Variants in TWSG1 observed in about 807,000 individuals in gnomAD.
TWSG1 encodes twisted gastrulation BMP signaling modulator 1.
A neutral mutation model predicts 23.0 loss-of-function variants in TWSG1; 15 were observed. The ratio of observed to expected loss-of-function variants is 0.65; its 90% CI spans 0.44 to 1.00. The LOEUF (loss-of-function observed/expected upper bound fraction) is 1.00. TWSG1 is among the 50% of genes least tolerant of loss of function. The pLI is 0.00. For synonymous variants in TWSG1, 86 were observed against 92.8 expected (o/e 0.93, Z 0.42); for missense variants, 242 against 278.7 (o/e 0.87, Z 0.94).
chr18:9,352,073 C>T (rs62087468), intron 2 of TWSG1, among the ~76,000 whole-genome samples: 18,299 of 152,178 alleles, frequency 0.12, 1,297 homozygotes, highest in Middle Eastern at 0.27. Flanking sequence ...CCCTTTGTAG[C>T]TGGACCTAGC....
Position 9,360,053 on chromosome 18 carries a change from G to C in TWSG1, c.205G>C (p.Glu69Gln). 6.2e-7 allele frequency: 1 copy of C among 1,613,332 alleles called. No individual in the cohort carries two copies. The highest frequency in any genetic ancestry group is 2.2e-5 in the East Asian group (1 of 44,838). ...CMLCLGALWD[E>Q]CCDCVGMCNP... ...GCTGTGTCTTGGGGCCCTTTGGGAC[G>C]AGTGCTGTGACTGTGTTGGTAAGTT... The change falls in exon 3 of 5, where the codon GAG (glutamate) becomes CAG (glutamine). Residue 69 changes from glutamate (E) to glutamine (Q), a missense_variant. Glu to Gln is a conservative substitution (Grantham distance 29, BLOSUM62 2). Coordinates refer to ENST00000262120, the MANE Select transcript of TWSG1 (RefSeq NM_020648.6).
At chr18:9,368,461 A>G (rs538960003) in intron 3 of TWSG1, among the ~76,000 whole-genome samples, 6 of 152,206 alleles carry the variant, frequency 3.9e-5, no homozygotes, top group African/African-American at 1.2e-4. Context: ...TCAGCCTCCC[A>G]GAGTGCTGGG....
chr18:9,397,896 T>G (rs2040744442), intron 4 of TWSG1, among the ~76,000 whole-genome samples: 1 of 148,952 alleles, frequency 6.7e-6, no homozygotes, highest in South Asian at 2.1e-4. Context: ...CCCAGCTACT[T>G]GGGAGGCTGA....
intron 2 of TWSG1, among the ~76,000 whole-genome samples, chr18:9,339,106 G>A (rs2040434767): frequency 6.6e-6 from 1 of 152,016 alleles, no homozygotes; most frequent in African/African-American, 2.4e-5. Context: ...TTGGGAGGCT[G>A]AGGCAGGAGG....
chr18:9,389,144 T>C (rs1052948303), intron 3 of TWSG1, among the ~76,000 whole-genome samples: 5 of 151,938 alleles, frequency 3.3e-5, no homozygotes, highest in Non-Finnish European at 7.4e-5. Flanking sequence ...GCCAGGCTAA[T>C]TTTGTATTTT....
intron 3 of TWSG1, among the ~76,000 whole-genome samples, chr18:9,368,729 C>G (rs150850499): frequency 0.01 from 1,598 of 152,226 alleles, 32 homozygotes; most frequent in African/African-American, 0.037. Context: ...GGGCAGATCA[C>G]CTGAGGTCAG....
At chr18:9,335,568 A>C (rs1464642110) in intron 1 of TWSG1, among the ~76,000 whole-genome samples, 1 of 152,240 alleles carries the variant, frequency 6.6e-6, no homozygotes, top group African/African-American at 2.4e-5. Flanking sequence ...TGTAGGATGA[A>C]AACTAGTTCC....
At chr18:9,354,589 T>TA (rs1215341435) in intron 2 of TWSG1, among the ~76,000 whole-genome samples, 2 of 152,194 alleles carry the variant, frequency 1.3e-5, no homozygotes, top group African/African-American at 4.8e-5. Context: ...ATGAAGGTGA[T>TA]AAAAAATGAG....
chr18:9,396,217 G>C, intron 3 of TWSG1, 63 bp from the exon 4 acceptor site: 4 of 966,010 alleles, frequency 4.1e-6, no homozygotes, highest in Admixed American at 4.6e-5. Flanking sequence ...TAATTTTAAT[G>C]TGTTATAGCT....
chr18:9,355,915 CAAATTATGA>C (rs1049785700), intron 2 of TWSG1, among the ~76,000 whole-genome samples: 1 of 152,108 alleles, frequency 6.6e-6, no homozygotes, highest in Non-Finnish European at 1.5e-5. Flanking sequence ...CTCATTTACC[CAAATTATGA>C]ACATTTCTTA....
intron 2 of TWSG1, among the ~76,000 whole-genome samples, chr18:9,352,834 GTC>G (rs1304912252): frequency 1.3e-5 from 2 of 152,108 alleles, no homozygotes; most frequent in Non-Finnish European, 2.9e-5. Context: ...AACTCTTAAA[GTC>G]TAATCTTAAT....
At chr18:9,348,498 G>A (rs1375428658) in intron 2 of TWSG1, among the ~76,000 whole-genome samples, 2 of 152,200 alleles carry the variant, frequency 1.3e-5, no homozygotes, top group Non-Finnish European at 2.9e-5. Context: ...TGGGGAAAAG[G>A]TCCACAGCTG....
intron 2 of TWSG1, among the ~76,000 whole-genome samples, chr18:9,353,085 C>A (rs1182801223): frequency 1.3e-5 from 2 of 152,116 alleles, no homozygotes; most frequent in African/African-American, 4.8e-5. Context: ...GTATTCAGAA[C>A]AGTAACATGC....
chr18:9,380,452 G>C (rs1229321540), intron 3 of TWSG1, among the ~76,000 whole-genome samples: 2 of 152,186 alleles, frequency 1.3e-5, no homozygotes, highest in African/African-American at 4.8e-5. Context: ...TGAAGATGAA[G>C]GTGAAGGTGG....
At chr18:9,364,393 C>CGACG (rs2040567595) in intron 3 of TWSG1, among the ~76,000 whole-genome samples, 1 of 152,166 alleles carries the variant, frequency 6.6e-6, no homozygotes, top group Non-Finnish European at 1.5e-5. Context: ...CCATGAGTTC[C>CGACG]GACGGTGAAA....
chr18:9,383,200 T>G (rs1261678911), intron 3 of TWSG1, among the ~76,000 whole-genome samples: 40 of 91,866 alleles, frequency 4.4e-4, no homozygotes, highest in Admixed American at 1.5e-3. Context: ...TTTTGTTTTT[T>G]TTTTTTTTTT....
At chr18:9,387,260 G>T (rs1440075960) in intron 3 of TWSG1, among the ~76,000 whole-genome samples, 1 of 152,080 alleles carries the variant, frequency 6.6e-6, no homozygotes, top group African/African-American at 2.4e-5. Flanking sequence ...TCCAAGCATA[G>T]AAATGCCAAG....
chr18:9,351,738 G>C (rs1427798957), intron 2 of TWSG1, among the ~76,000 whole-genome samples: 2 of 150,886 alleles, frequency 1.3e-5, no homozygotes, highest in Non-Finnish European at 2.9e-5. Context: ...TCTGCTTCCT[G>C]GGTTCAAGTG....
chr18:9,381,522 T>G (rs2040656158), intron 3 of TWSG1, among the ~76,000 whole-genome samples: 1 of 152,182 alleles, frequency 6.6e-6, no homozygotes, highest in African/African-American at 2.4e-5. Flanking sequence ...CTAGGTAGAT[T>G]ACTTAAGGTT....
Sources: gnomAD v4.1 joint callset for allele counts (sites outside exome capture counted in the v4.1 genomes callset) on GRCh38, gnomAD v4.1.1 for gene constraint, MANE v1.5 for transcripts, NCBI Gene and HGNC (gene_info 2026-07-23, HGNC 2026-07-21) for gene names.